KITLG: variants seen among roughly 807,000 people sequenced by gnomAD.
The protein encoded by KITLG is KIT ligand.
Under a neutral mutation model 34.1 loss-of-function variants are expected in KITLG, and 13 were observed. The observed-to-expected ratio is 0.38, with a 90% CI of 0.25 to 0.61. KITLG has a LOEUF of 0.61. Among genes scored for constraint, KITLG ranks in the 20% least tolerant of loss-of-function variants. KITLG has a pLI of 0.60. For missense variants in KITLG, 292 were observed against 318.9 expected (o/e 0.92, Z 0.64); for synonymous variants, 110 against 104.0 (o/e 1.06, Z -0.35).
At chr12:88,530,975 T>A (rs10506954) in intron 3 of KITLG, among the ~76,000 whole-genome samples, 12,818 of 152,142 alleles carry the variant, frequency 0.084, 569 homozygotes, top group Non-Finnish European at 0.1. Context: ...AAGTAGATGT[T>A]TAATAAGTTT....
At chr12:88,558,144 C>A (rs955220406) in intron 1 of KITLG, among the ~76,000 whole-genome samples, 16 of 152,150 alleles carry the variant, frequency 1.1e-4, no homozygotes, top group African/African-American at 3.9e-4. Context: ...TTTCCTAGAA[C>A]CTTTTTGTGT....
chr12:88,561,048 G>GA (rs1871283169), intron 1 of KITLG, among the ~76,000 whole-genome samples: 1 of 151,530 alleles, frequency 6.6e-6, no homozygotes, highest in East Asian at 1.9e-4. Flanking sequence ...TGGTATAGAG[G>GA]AGGGGGTTGG....
At chr12:88,509,908 G>A (rs963931819) in intron 6 of KITLG, among the ~76,000 whole-genome samples, 3 of 152,116 alleles carry the variant, frequency 2.0e-5, no homozygotes, top group Non-Finnish European at 4.4e-5. Context: ...ATGCCTCAAG[G>A]CCCAAATGAA....
chr12:88,559,231 C>G (rs1871212272), intron 1 of KITLG, among the ~76,000 whole-genome samples: 1 of 152,142 alleles, frequency 6.6e-6, no homozygotes, highest in South Asian at 2.1e-4. Flanking sequence ...TTTAAGTTAT[C>G]CAGGGTTGTA....
At chr12:88,504,645 A>T (rs1243874491) in intron 9 of KITLG, among the ~76,000 whole-genome samples, 1 of 152,180 alleles carries the variant, frequency 6.6e-6, no homozygotes, top group Non-Finnish European at 1.5e-5. Context: ...GAGAAATAGG[A>T]ACACTTTTAC....
intron 6 of KITLG, among the ~76,000 whole-genome samples, chr12:88,507,788 C>A (rs1869120090): frequency 1.3e-5 from 2 of 152,050 alleles, no homozygotes; most frequent in East Asian, 1.9e-4. Context: ...TAGTGTTGTC[C>A]CATACTACGT....
chr12:88,561,250 T>A (rs1871290134), intron 1 of KITLG, among the ~76,000 whole-genome samples: 1 of 152,174 alleles, frequency 6.6e-6, no homozygotes, highest in Admixed American at 6.5e-5. Flanking sequence ...TTTAGTATAG[T>A]ACCTGTCAAA....
chr12:88,546,879 C>T (rs540781339), intron 1 of KITLG, among the ~76,000 whole-genome samples: 87 of 152,180 alleles, frequency 5.7e-4, no homozygotes, highest in African/African-American at 1.8e-3. Flanking sequence ...TAAACACTTT[C>T]GGAACACAGA....
chr12:88,564,385 G>A (rs1170846211), intron 1 of KITLG: 3 of 76,390 alleles, frequency 3.9e-5, no homozygotes. Context: ...ATGTAAACAG[G>A]GAAACTGGAT....
intron 3 of KITLG, among the ~76,000 whole-genome samples, chr12:88,519,183 C>G (rs1869568646): frequency 6.6e-6 from 1 of 151,948 alleles, no homozygotes; most frequent in East Asian, 1.9e-4. Flanking sequence ...ATTAATATTA[C>G]ATTACTTAAA....
intron 1 of KITLG, among the ~76,000 whole-genome samples, chr12:88,572,329 T>G (rs1298683169): frequency 4.0e-5 from 6 of 151,880 alleles, no homozygotes; most frequent in African/African-American, 9.7e-5. Flanking sequence ...ACTTATAATT[T>G]TAAATTAAAA....
chr12:88,497,868 T>C (rs945597516), intron 9 of KITLG, among the ~76,000 whole-genome samples: 2 of 152,098 alleles, frequency 1.3e-5, no homozygotes, highest in African/African-American at 2.4e-5. Context: ...GCTGAGGAAA[T>C]AGCAGCAGAA....
intron 1 of KITLG, among the ~76,000 whole-genome samples, chr12:88,566,548 T>C (rs753011161): frequency 4.6e-5 from 7 of 152,152 alleles, no homozygotes; most frequent in African/African-American, 1.7e-4. Context: ...GAGGACTTCC[T>C]GGAGTAGAGA....
rs777085642 is a variant in KITLG, at chr12:88,515,523, T to C, written c.604+11A>G. 6 of 1,568,074 alleles carry C rather than the reference T, an allele frequency of 3.8e-6. No homozygotes were observed. The highest frequency in any genetic ancestry group is 2.6e-6 in the Non-Finnish European group (3 of 1,138,934). On this transcript the variant is annotated intron_variant, in intron 6 of 9. Coordinates refer to ENST00000644744, the MANE Select transcript of KITLG (RefSeq NM_000899.5). ...AGCCATGCATGCATTAAATCAGATA[T>C]ATGTACTTACTATTACTGCTACTGC...
At position 88,537,655 on chromosome 12, in the gene KITLG, C is replaced by A. The variant is rs148138503; in HGVS notation, c.130-5152G>T. On this transcript the variant is annotated intron_variant, in intron 2 of 9. Coordinates refer to ENST00000644744, the MANE Select transcript of KITLG (RefSeq NM_000899.5). ...TTGAAAGTATATTAAAAAGAAAAAA[C>A]CACAAATATTCTAAAATCTGAAAAA... 3.1e-3 allele frequency among the ~76,000 whole-genome samples: 476 copies of A among 151,826 alleles called. 17 individuals are homozygous for A. The East Asian group carries it at 0.082, about 26-fold the overall frequency.
chr12:88,542,318 C>T (rs1013428108), intron 2 of KITLG, among the ~76,000 whole-genome samples: 1 of 152,096 alleles, frequency 6.6e-6, no homozygotes, highest in African/African-American at 2.4e-5. Flanking sequence ...CATGTGTAAG[C>T]ATTTGAAGTT....
At chr12:88,525,593 C>T in intron 3 of KITLG, among the ~76,000 whole-genome samples, 1 of 152,110 alleles carries the variant, frequency 6.6e-6, no homozygotes, top group East Asian at 1.9e-4. Flanking sequence ...CACACCACAA[C>T]TCATATTTTT....
At chr12:88,549,313 T>G (rs975538431) in intron 1 of KITLG, among the ~76,000 whole-genome samples, 1 of 152,058 alleles carries the variant, frequency 6.6e-6, no homozygotes, top group African/African-American at 2.4e-5. Flanking sequence ...ATAAATTAAT[T>G]AAATAAGATC....
At chr12:88,524,822 A>G (rs1019587976) in intron 3 of KITLG, among the ~76,000 whole-genome samples, 1 of 152,202 alleles carries the variant, frequency 6.6e-6, no homozygotes. Context: ...TTCCTTTTAA[A>G]TAAATACTTT....
Sources: allele counts gnomAD v4.1 joint callset (sites outside exome capture counted in the v4.1 genomes callset), GRCh38; gene constraint gnomAD v4.1.1; transcripts MANE v1.5; gene names NCBI Gene and HGNC (gene_info 2026-07-23, HGNC 2026-07-21).